Variants in ACTR3C observed in about 807,000 individuals in gnomAD.
ACTR3C encodes actin-related protein 3C.
A neutral mutation model predicts 26.3 loss-of-function variants in ACTR3C; 18 were observed. The ratio of observed to expected loss-of-function variants is 0.68; its 90% CI spans 0.47 to 1.01. The LOEUF (loss-of-function observed/expected upper bound fraction) is 1.01. ACTR3C is among the 50% of genes least tolerant of loss of function. ACTR3C has a pLI of 0.00. For synonymous variants in ACTR3C, 55 were observed against 94.5 expected, an observed-to-expected ratio of 0.58 and a Z score of 2.42; for missense variants, 184 against 250.7, an observed-to-expected ratio of 0.73 and a Z score of 1.80.
chr7:149,914,178 C>T, the ACTR3C span, among the ~76,000 whole-genome samples: 15 of 151,704 alleles, frequency 9.9e-5, no homozygotes, highest in African/African-American at 7.3e-5. Context: ...TGTGAGCCAC[C>T]GAGCCCAGCT....
chr7:150,313,119 T>C (rs531937876), intron 1 of ACTR3C, among the ~76,000 whole-genome samples: 35 of 152,312 alleles, frequency 2.3e-4, no homozygotes, highest in African/African-American at 6.5e-4. Flanking sequence ...TAACCACCTT[T>C]AACTGTAACT....
the ACTR3C span, among the ~76,000 whole-genome samples, chr7:150,051,047 T>A: frequency 2.1e-5 from 3 of 146,190 alleles, no homozygotes; most frequent in Non-Finnish European, 4.5e-5. Flanking sequence ...GAGGTTGCAA[T>A]GAGCCGAGAT....
chr7:150,067,009 C>A, the ACTR3C span, among the ~76,000 whole-genome samples: 6 of 152,176 alleles, frequency 3.9e-5, no homozygotes, highest in Non-Finnish European at 7.3e-5. Flanking sequence ...GGAATGTGGG[C>A]AACTGCTGGT....
At chr7:150,147,485 A>C in the ACTR3C span, among the ~76,000 whole-genome samples, 106 of 152,202 alleles carry the variant, frequency 7.0e-4, no homozygotes, top group African/African-American at 1.6e-3. Flanking sequence ...AATTTACCAT[A>C]TTTACCATTT....
the ACTR3C span, chr7:150,047,543 A>G: frequency 2.5e-5 from 7 of 279,658 alleles, no homozygotes; most frequent in Non-Finnish European, 3.8e-5. Flanking sequence ...CCCCCGGCCG[A>G]CGCGTCTCGC....
At chr7:150,066,318 T>C in the ACTR3C span, among the ~76,000 whole-genome samples, 1 of 152,368 alleles carries the variant, frequency 6.6e-6, no homozygotes, top group East Asian at 1.9e-4. Flanking sequence ...CCACATCCTC[T>C]GTCTGTGTGA....
At chr7:150,169,196 A>G in the ACTR3C span, among the ~76,000 whole-genome samples, 1 of 150,026 alleles carries the variant, frequency 6.7e-6, no homozygotes, top group Non-Finnish European at 1.5e-5. Flanking sequence ...CCTGGCTAAC[A>G]TGGTGAAACC....
the ACTR3C span, among the ~76,000 whole-genome samples, chr7:150,020,905 C>T: frequency 6.6e-6 from 1 of 152,026 alleles, no homozygotes; most frequent in African/African-American, 2.4e-5. Context: ...ACTGCAACCT[C>T]CGCCTCCCAG....
At chr7:150,248,788 A>C (rs1263939569) in intron 7 of ACTR3C, 160 bp downstream of exon 7, 2 of 412,654 alleles carry the variant, frequency 4.8e-6, no homozygotes, top group Non-Finnish European at 8.5e-6. Context: ...CTCCAACATA[A>C]AGATGACTCA....
the ACTR3C span, among the ~76,000 whole-genome samples, chr7:150,051,648 T>C: frequency 7.0e-6 from 1 of 142,608 alleles, no homozygotes; most frequent in East Asian, 2.2e-4. Context: ...CCAAACCAAA[T>C]GCCCCCAACC....
At chr7:150,180,044 G>A in the ACTR3C span, among the ~76,000 whole-genome samples, 116 of 151,208 alleles carry the variant, frequency 7.7e-4, 1 homozygote, top group Non-Finnish European at 1.3e-3. Flanking sequence ...AGTGGCTCAT[G>A]CCTGTAATCC....
chr7:150,019,953 G>A, the ACTR3C span, among the ~76,000 whole-genome samples: 1 of 152,146 alleles, frequency 6.6e-6, no homozygotes, highest in African/African-American at 2.4e-5. Context: ...CAAGCTCGTT[G>A]CAGAGGTGGA....
the ACTR3C span, among the ~76,000 whole-genome samples, chr7:150,110,841 G>A: frequency 8.6e-6 from 1 of 115,836 alleles, no homozygotes; most frequent in Non-Finnish European, 1.8e-5. Flanking sequence ...GGGGTGGGCT[G>A]TTGGGGGTGT....
the ACTR3C span, among the ~76,000 whole-genome samples, chr7:150,067,888 G>C: frequency 6.6e-6 from 1 of 151,340 alleles, no homozygotes; most frequent in African/African-American, 2.4e-5. Context: ...AAAGGTTCTA[G>C]ATCTTTTTTG....
the ACTR3C span, among the ~76,000 whole-genome samples, chr7:150,022,902 C>T: frequency 4.4e-4 from 67 of 151,494 alleles, 1 homozygote; most frequent in East Asian, 8.2e-3. Flanking sequence ...CAGAAATGTT[C>T]CTCTTCATGA....
chr7:150,040,041 T>C, the ACTR3C span, among the ~76,000 whole-genome samples: 1 of 126,652 alleles, frequency 7.9e-6, no homozygotes. Flanking sequence ...TGGCTCTGAG[T>C]CCCCGCCTCG....
the ACTR3C span, among the ~76,000 whole-genome samples, chr7:150,003,613 G>T: frequency 8.7e-6 from 1 of 115,598 alleles, no homozygotes; most frequent in Non-Finnish European, 2.1e-5. Context: ...GTTATCTGGT[G>T]TGTGTGTGTG....
chr7:150,077,347 C>A, the ACTR3C span, among the ~76,000 whole-genome samples: 1 of 152,126 alleles, frequency 6.6e-6, no homozygotes, highest in African/African-American at 2.4e-5. Context: ...TTTCCAGAGC[C>A]TACTGTAGGA....
chr7:150,038,767 G>A, the ACTR3C span, among the ~76,000 whole-genome samples: 1 of 145,382 alleles, frequency 6.9e-6, no homozygotes, highest in Non-Finnish European at 1.5e-5. Context: ...GCCAGGAGGG[G>A]AAGAGGGTCT....
Sources: allele counts gnomAD v4.1 joint callset (sites outside exome capture counted in the v4.1 genomes callset), GRCh38; gene constraint gnomAD v4.1.1; transcripts MANE v1.5; gene names NCBI Gene and HGNC (gene_info 2026-07-23, HGNC 2026-07-21).